The following GFI1B variants were observed in gnomAD, a reference collection of about 807,000 sequenced individuals.
GFI1B encodes the protein zinc finger protein Gfi-1b.
A neutral mutation model predicts 35.3 loss-of-function variants in GFI1B; 20 were observed. The observed-to-expected ratio is 0.57, with a 90% CI of 0.40 to 0.82. GFI1B has a LOEUF of 0.82. Among genes scored for constraint, GFI1B ranks in the 40% least tolerant of loss-of-function variants. The pLI is 0.00. For synonymous variants in GFI1B, 178 were observed against 177.6 expected, an observed-to-expected ratio of 1.00 and a Z score of -0.02; for missense variants, 430 against 446.3, an observed-to-expected ratio of 0.96 and a Z score of 0.33.
chr9:132,973,606 G>A (rs1179934909), intron 2 of GFI1B, among the ~76,000 whole-genome samples: 2 of 152,210 alleles, frequency 1.3e-5, no homozygotes, highest in African/African-American at 4.8e-5. Context: ...ATTGTGGGGC[G>A]TCTGGGAGGG....
chr9:132,981,092 C>T (rs571957190), intron 1 of GFI1B, among the ~76,000 whole-genome samples: 6 of 152,282 alleles, frequency 3.9e-5, no homozygotes, highest in African/African-American at 1.2e-4. Context: ...GGTGGGGTTT[C>T]GCCATTTTGG....
chr9:132,973,158 A>G (rs1848560738), intron 2 of GFI1B, among the ~76,000 whole-genome samples: 1 of 152,242 alleles, frequency 6.6e-6, no homozygotes, highest in Non-Finnish European at 1.5e-5. Flanking sequence ...GGTTCAGCTC[A>G]TGACCGTCAC....
chr9:132,948,260 C>T (rs181795258), intron 1 of GFI1B, among the ~76,000 whole-genome samples: 1 of 152,010 alleles, frequency 6.6e-6, no homozygotes, highest in Non-Finnish European at 1.5e-5. Flanking sequence ...GAAGCTGTGG[C>T]CTCTCCCTTC....
At chr9:132,952,150 G>T (rs1564522091) in intron 1 of GFI1B, 1 of 151,886 alleles carries the variant, frequency 6.6e-6, no homozygotes, top group African/African-American at 2.4e-5. Context: ...TTTCAACTTG[G>T]TTGTTACTGA....
intron 1 of GFI1B, chr9:132,952,145 A>T (rs1848211654): frequency 6.6e-6 from 1 of 151,962 alleles, no homozygotes; most frequent in African/African-American, 2.4e-5. Flanking sequence ...AAAATTTTCA[A>T]CTTGGTTGTT....
chr9:132,961,740 C>T (rs1055440557), intron 1 of GFI1B, among the ~76,000 whole-genome samples: 10 of 151,890 alleles, frequency 6.6e-5, no homozygotes, highest in Admixed American at 1.3e-4. Flanking sequence ...TACAGGTGCC[C>T]GCCACCACAC....
chr9:132,985,301 G>A (rs1849002966), intron 1 of GFI1B, among the ~76,000 whole-genome samples: 1 of 152,204 alleles, frequency 6.6e-6, no homozygotes, highest in Admixed American at 6.5e-5. Context: ...AGTTGGTCCA[G>A]CCCTGTCACT....
chr9:132,967,151 C>T (rs936617696), intron 1 of GFI1B, among the ~76,000 whole-genome samples: 1 of 152,316 alleles, frequency 6.6e-6, no homozygotes, highest in South Asian at 2.1e-4. Context: ...GTCTTCGGTG[C>T]TTGCCTGCCC....
chr9:132,982,091 T>A lies in GFI1B; in HGVS notation c.-21+3250T>A, dbSNP rs563150699. On this transcript the variant is annotated intron_variant, in intron 1 of 6. Transcript: ENST00000372122. ...TAAACATAAAGGAAGTCAAAAAGGT[T>A]CTCTGTAGCTGACCCTGAGAACCAG... 3.3e-5 allele frequency among the ~76,000 whole-genome samples: 5 copies of A among 152,282 alleles called. No individual in the cohort carries two copies. The East Asian group carries it at 9.7e-4, about 29-fold the overall frequency.
intron 6 of GFI1B, 96 bp from the exon 7 acceptor site, chr9:132,990,776 A>C: frequency 9.7e-7 from 1 of 1,028,688 alleles, no homozygotes; most frequent in Non-Finnish European, 1.5e-6. Flanking sequence ...ACAGGAAGGT[A>C]TTGGAAAATG....
At chr9:132,948,625 G>A (rs990525685) in intron 1 of GFI1B, among the ~76,000 whole-genome samples, 6 of 152,224 alleles carry the variant, frequency 3.9e-5, no homozygotes, top group Admixed American at 1.3e-4. Context: ...GTGCCCTGCC[G>A]TTGGTGGGCA....
At chr9:132,956,847 G>A (rs1848290786) in intron 1 of GFI1B, among the ~76,000 whole-genome samples, 1 of 152,180 alleles carries the variant, frequency 6.6e-6, no homozygotes, top group Non-Finnish European at 1.5e-5. Flanking sequence ...GATGTCAGCT[G>A]GTGCTACAGT....
chr9:132,988,404 C>T lies in GFI1B; in HGVS notation c.446C>T (p.Ala149Val). 6.2e-7 allele frequency: 1 copy of T among 1,614,152 alleles called. No homozygotes were observed. Among genetic ancestry groups the T allele is most frequent in the Non-Finnish European group, 8.5e-7 (1 of 1,179,980 alleles). Residue 149 changes from alanine (A) to valine (V), a missense_variant, in exon 4 of 7, where the codon GCC becomes GTC. Coordinates refer to ENST00000372122, the MANE Select transcript of GFI1B (RefSeq NM_001377304.1). ...CCTCTTGTGCCCAGCACTGAGCCCG[C>T]CTTGGACTTCAGCCTCCGCTACTCC... ...GSPLVPSTEP[A>V]LDFSLRYSPG...
chr9:132,985,061 G>A (rs1848988645), intron 1 of GFI1B, among the ~76,000 whole-genome samples: 1 of 141,260 alleles, frequency 7.1e-6, no homozygotes, highest in African/African-American at 2.5e-5. Context: ...ATGGCGGCTG[G>A]CCCAAGGGGT....
At chr9:132,961,851 A>G (rs542240819) in intron 1 of GFI1B, among the ~76,000 whole-genome samples, 20 of 151,980 alleles carry the variant, frequency 1.3e-4, no homozygotes, top group Middle Eastern at 3.4e-3. Context: ...TCAGCCTCCC[A>G]AAGTGCTGGG....
intron 1 of GFI1B, among the ~76,000 whole-genome samples, chr9:132,965,642 C>G (rs950697948): frequency 6.6e-6 from 1 of 152,190 alleles, no homozygotes; most frequent in African/African-American, 2.4e-5. Context: ...CCCATGAAGG[C>G]AGAGGCAGAG....
intron 1 of GFI1B, among the ~76,000 whole-genome samples, chr9:132,963,503 T>C (rs573636818): frequency 2.6e-4 from 39 of 151,982 alleles, no homozygotes; most frequent in African/African-American, 6.3e-4. Context: ...ATTATTATTA[T>C]TGTTATTATT....
chr9:132,965,924 C>A (rs1848444420), intron 1 of GFI1B, among the ~76,000 whole-genome samples: 1 of 152,214 alleles, frequency 6.6e-6, no homozygotes, highest in African/African-American at 2.4e-5. Flanking sequence ...AAATAAAAAT[C>A]CATGAGTTCT....
intron 1 of GFI1B, among the ~76,000 whole-genome samples, chr9:132,970,426 C>T (rs1848515740): frequency 6.6e-6 from 1 of 152,176 alleles, no homozygotes; most frequent in Non-Finnish European, 1.5e-5. Flanking sequence ...GGCTAATGAA[C>T]ACACACGCAC....
Sources: allele counts gnomAD v4.1 joint callset (sites outside exome capture counted in the v4.1 genomes callset), GRCh38; gene constraint gnomAD v4.1.1; transcripts MANE v1.5; gene names NCBI Gene and HGNC (gene_info 2026-07-23, HGNC 2026-07-21).